The following ZDHHC15 variants were observed in gnomAD, a reference collection of about 807,000 sequenced individuals.
The protein encoded by ZDHHC15 is palmitoyltransferase ZDHHC15.
A neutral mutation model predicts 31.7 loss-of-function variants in ZDHHC15; 19 were observed. The ratio of observed to expected loss-of-function variants is 0.60; its 90% CI spans 0.42 to 0.88. The LOEUF (loss-of-function observed/expected upper bound fraction) is 0.88, where lower values mean the gene tolerates loss of function less well. Among genes scored for constraint, ZDHHC15 ranks in the 40% least tolerant of loss-of-function variants. ZDHHC15 has a pLI of 0.00. For synonymous variants in ZDHHC15, 103 were observed against 90.0 expected (o/e 1.14, Z -0.82); for missense variants, 209 against 251.2 (o/e 0.83, Z 1.14).
intron 11 of ZDHHC15, among the ~76,000 whole-genome samples, chrX:75,374,007 G>T (rs1325339432): frequency 2.3e-5 from 2 of 86,402 alleles, no homozygotes; most frequent in African/African-American, 4.4e-5. Flanking sequence ...ACCCTTCCCA[G>T]CCTCTGGTAA....
At chrX:75,485,505 T>C (rs1334896088) in intron 2 of ZDHHC15, among the ~76,000 whole-genome samples, 2 of 110,442 alleles carry the variant, frequency 1.8e-5, no homozygotes, top group Non-Finnish European at 3.8e-5. Flanking sequence ...TGTATATATA[T>C]ATATAATCAT....
chrX:75,509,203 C>T (rs2085220141), intron 1 of ZDHHC15, among the ~76,000 whole-genome samples: 2 of 111,671 alleles, frequency 1.8e-5, no homozygotes, highest in South Asian at 7.5e-4. Flanking sequence ...TTCTGCACAG[C>T]AAAAGAAACT....
chrX:75,417,736 GGTC>G (rs972276888), intron 9 of ZDHHC15, among the ~76,000 whole-genome samples: 1 of 111,595 alleles, frequency 9.0e-6, no homozygotes, highest in Non-Finnish European at 1.9e-5. Context: ...CCACATGTGG[GGTC>G]TCGCTTTGTG....
chrX:75,382,706 A>C (rs1360039718), intron 10 of ZDHHC15, among the ~76,000 whole-genome samples: 1 of 112,293 alleles, frequency 8.9e-6, no homozygotes, highest in African/African-American at 3.2e-5. Context: ...CTAGATTATA[A>C]TAGCATTCCT....
At chrX:75,488,288 T>A (rs572485523) in intron 2 of ZDHHC15, among the ~76,000 whole-genome samples, 1 of 111,764 alleles carries the variant, frequency 8.9e-6, no homozygotes, top group East Asian at 2.8e-4. Flanking sequence ...AGGTAAACTA[T>A]AAAGAAAAAC....
chrX:75,468,040 AAT>A (rs1491212481), intron 3 of ZDHHC15, among the ~76,000 whole-genome samples: 1 of 59,966 alleles, frequency 1.7e-5, no homozygotes. Context: ...CAACTGGCAT[AAT>A]TTTTTTTTTT....
intron 7 of ZDHHC15, among the ~76,000 whole-genome samples, chrX:75,426,498 G>T (rs557170223): frequency 9.1e-6 from 1 of 109,792 alleles, no homozygotes; most frequent in South Asian, 3.9e-4. Flanking sequence ...TACCTTCTCA[G>T]GAGATAACCA....
intron 1 of ZDHHC15, among the ~76,000 whole-genome samples, chrX:75,510,283 A>T (rs1301095235): frequency 1.8e-5 from 2 of 111,325 alleles, no homozygotes; most frequent in Non-Finnish European, 3.8e-5. Flanking sequence ...ATTCTGAGTT[A>T]GGTTTTAAAA....
intron 2 of ZDHHC15, among the ~76,000 whole-genome samples, chrX:75,504,404 T>G (rs1021652266): frequency 8.9e-6 from 1 of 111,895 alleles, no homozygotes; most frequent in Non-Finnish European, 1.9e-5. Flanking sequence ...CATAGAATTG[T>G]GAAAATATAA....
In ZDHHC15 at chrX:75,500,329, C is replaced by A. The variant is rs6647138; in HGVS notation, c.163+5492G>T. On this transcript the variant is annotated intron_variant, in intron 2 of 11. Coordinates refer to ENST00000373367, the MANE Select transcript of ZDHHC15 (RefSeq NM_144969.3). ...TCTAGTATACCCATACTATGAAATA[C>A]TCGGAGATCATTTTAAAATGAAATA... 9.5e-3 allele frequency among the ~76,000 whole-genome samples: 1,040 copies of A among 109,355 alleles called. 15 individuals are homozygous for A. Among genetic ancestry groups the A allele is most frequent in the African/African-American group, 0.033 (1,001 of 30,166 alleles). 95.0% of individuals were successfully genotyped at this position (109,355 alleles called of 115,157 possible). A position where few individuals can be genotyped will look rare whatever the true frequency, so the allele number is the denominator to read the frequency against.
intron 7 of ZDHHC15, among the ~76,000 whole-genome samples, chrX:75,426,866 C>T (rs2083719769): frequency 9.0e-6 from 1 of 111,248 alleles, no homozygotes; most frequent in Admixed American, 9.6e-5. Context: ...AATTTACAAG[C>T]TGGGTGATCA....
At chrX:75,380,313 C>T (rs1029008318) in intron 10 of ZDHHC15, among the ~76,000 whole-genome samples, 6 of 112,123 alleles carry the variant, frequency 5.4e-5, no homozygotes, top group Non-Finnish European at 1.1e-4. Context: ...AATTTCCTTG[C>T]CTTGCTGTTC....
chrX:75,462,555 C>A (rs2084334391), intron 3 of ZDHHC15, among the ~76,000 whole-genome samples: 1 of 112,042 alleles, frequency 8.9e-6, no homozygotes, highest in Non-Finnish European at 1.9e-5. Context: ...TGCATAAGAA[C>A]TGAAATCATA....
At chrX:75,505,985 T>C in intron 1 of ZDHHC15, 138 bp from the exon 2 acceptor site, 2 of 517,580 alleles carry the variant, frequency 3.9e-6, no homozygotes, top group Non-Finnish European at 6.4e-6. Flanking sequence ...TATATAATAG[T>C]ACTTTAGGAA....
chrX:75,517,628 C>T (rs2085379163), intron 1 of ZDHHC15, among the ~76,000 whole-genome samples: 1 of 106,245 alleles, frequency 9.4e-6, no homozygotes, highest in Admixed American at 1.0e-4. Flanking sequence ...AGGAGAAATA[C>T]CTAAGGTTAA....
In ZDHHC15 at chrX:75,371,060, C is replaced by T. The variant is rs186795948; in HGVS notation, c.*1918G>A. On this transcript the variant is annotated 3_prime_UTR_variant, in exon 12 of 12. Coordinates refer to ENST00000373367, the MANE Select transcript of ZDHHC15 (RefSeq NM_144969.3). The stretch of plus-strand genomic sequence containing the variant: ...AGTTAACAGCTGCTCTGCCTGAATG[C>T]TTGGCAGAAGATGATTGATGGGAAA... 8.2e-4 allele frequency: 92 copies of T among 111,565 alleles called. 1 individual carries two copies. The highest frequency in any genetic ancestry group is 2.5e-3 in the African/African-American group (78 of 30,712). 9.2% of individuals were successfully genotyped at this position (111,565 alleles called of 1,213,427 possible).
At chrX:75,464,633 C>T (rs1026548626) in intron 3 of ZDHHC15, among the ~76,000 whole-genome samples, 1 of 110,879 alleles carries the variant, frequency 9.0e-6, no homozygotes, top group Non-Finnish European at 1.9e-5. Context: ...TGGCTTCATC[C>T]CCAGATACAA....
chrX:75,499,818 G>A (rs1185001184), intron 2 of ZDHHC15, among the ~76,000 whole-genome samples: 1 of 111,240 alleles, frequency 9.0e-6, no homozygotes, highest in African/African-American at 3.3e-5. Context: ...GTCATTATAA[G>A]AAAAATACAC....
intron 1 of ZDHHC15, among the ~76,000 whole-genome samples, chrX:75,506,820 CAT>C (rs1031315107): frequency 1.8e-5 from 2 of 111,879 alleles, no homozygotes; most frequent in Admixed American, 9.6e-5. Flanking sequence ...AGAGAGAAAG[CAT>C]AGTTTCTTGG....
Sources: allele counts gnomAD v4.1 joint callset (sites outside exome capture counted in the v4.1 genomes callset), GRCh38; gene constraint gnomAD v4.1.1; transcripts MANE v1.5; gene names NCBI Gene and HGNC (gene_info 2026-07-23, HGNC 2026-07-21).